Variants in COL6A2 observed in about 807,000 individuals in gnomAD.
COL6A2 encodes the protein collagen type VI alpha 2 chain, also known as collagen alpha-2(VI) chain.
Under a neutral mutation model 124.9 loss-of-function variants are expected in COL6A2, and 90 were observed. The observed-to-expected ratio is 0.72, with a 90% CI of 0.61 to 0.86. The LOEUF is 0.86. COL6A2 is among the 40% of genes least tolerant of loss of function. The probability of loss-of-function intolerance (pLI) is 0.00; values close to 1 mark genes in which losing one functional copy is unlikely to be tolerated. For synonymous variants in COL6A2, 793 were observed against 618.2 expected, an observed-to-expected ratio of 1.28 and a Z score of -4.19; for missense variants, 1,607 against 1,502.5, an observed-to-expected ratio of 1.07 and a Z score of -1.15.
chr21:46,121,645 T>C lies in COL6A2; in HGVS notation c.1521+27T>C, dbSNP rs575964894. 4.7e-5 allele frequency: 75 copies of C among 1,610,548 alleles called. No individual in the cohort carries two copies. In the Middle Eastern group the frequency reaches 5.0e-4, roughly 11 times the overall value. Reference sequence around the variant, plus strand: ...TACGTGCCCCTCCCCCAGCAGGACGTATTAGGGGTTCGGGGCAGCTGCCTG... The same window carrying C: ...TACGTGCCCCTCCCCCAGCAGGACGCATTAGGGGTTCGGGGCAGCTGCCTG... On this transcript the variant is annotated intron_variant, in intron 18 of 27. Transcript: ENST00000300527.
At chr21:46,113,234 G>A (rs1326380276) in intron 4 of COL6A2, among the ~76,000 whole-genome samples, 2 of 152,118 alleles carry the variant, frequency 1.3e-5, no homozygotes, top group Non-Finnish European at 2.9e-5. Flanking sequence ...GCAGGCATCT[G>A]AGATCTCCCC....
At chr21:46,118,138 C>G (rs1284617236) in intron 12 of COL6A2, among the ~76,000 whole-genome samples, 6 of 152,044 alleles carry the variant, frequency 3.9e-5, no homozygotes, top group African/African-American at 1.2e-4. Flanking sequence ...GCGGCCCCGC[C>G]GCTGCTCACC....
At chr21:46,124,528 C>T in intron 21 of COL6A2, 123 bp from the exon 22 acceptor site, 1 of 800,938 alleles carries the variant, frequency 1.2e-6, no homozygotes, top group Non-Finnish European at 2.0e-6. Flanking sequence ...TTACTCCTTG[C>T]ACCTGTTAGC....
Position 46,132,509 on chromosome 21 carries a change from C to T in COL6A2, c.3017C>T (p.Ala1006Val), listed in dbSNP as rs113169531. Residue 1006 changes from alanine (A) to valine (V), a missense_variant, in exon 28 of 28, where the codon GCG becomes GTG. Physicochemically the swap from Ala to Val is moderately conservative, Grantham distance 64 (BLOSUM62 0). Transcript: ENST00000300527. ...VFHEKDYDSL[A>V]QPGFFDRFIR... ...CACGAGAAGGACTATGACAGCCTGG[C>T]GCAACCCGGCTTCTTCGACCGCTTC... 646 of 1,607,008 alleles carry T rather than the reference C, an allele frequency of 4.0e-4. 3 individuals are homozygous for T. In the African/African-American group the frequency reaches 5.7e-3, roughly 14 times the overall value.
chr21:46,132,345 C>A lies in COL6A2; in HGVS notation c.2853C>A (p.Val951=), dbSNP rs745419873. 11 of 1,608,286 alleles carry A rather than the reference C, an allele frequency of 6.8e-6. No individual in the cohort carries two copies. Among genetic ancestry groups the A allele is most frequent in the Non-Finnish European group, 9.3e-6 (11 of 1,179,588 alleles). Residue 951 remains valine (V), a synonymous_variant, in exon 28 of 28, where the codon GTC becomes GTA. Transcript: ENST00000300527. The part of the protein sequence containing the change: ...ELSFVFLTDG[V]TGNDSLHESA... ...CCTTCGTGTTCCTCACGGACGGCGT[C>A]ACGGGCAACGACAGTCTGCACGAGT...
chr21:46,103,330 A>C (rs1194741298), intron 1 of COL6A2, among the ~76,000 whole-genome samples: 1 of 152,140 alleles, frequency 6.6e-6, no homozygotes, highest in Non-Finnish European at 1.5e-5. Flanking sequence ...TCTAGAATCT[A>C]GCTTAAGGCT....
intron 27 of COL6A2, chr21:46,129,744 T>C (rs2078735936): frequency 1.5e-6 from 2 of 1,359,646 alleles, no homozygotes; most frequent in East Asian, 2.7e-5. Flanking sequence ...AGAACCCTGG[T>C]CATTGAATTT....
At position 46,116,075 on chromosome 21, in the gene COL6A2, C is replaced by T. The variant is rs1462387531; in HGVS notation, c.900+22C>T. The T allele has an allele frequency of 6.4e-7, 1 of 1,561,812 alleles. No individual in the cohort carries two copies. The highest frequency in any genetic ancestry group is 8.7e-7 in the Non-Finnish European group (1 of 1,153,932). On this transcript the variant is annotated intron_variant, in intron 7 of 27. Transcript: ENST00000300527. This position sits in a 1 kb window ranked among gnomAD's most constrained non-coding sequence, Gnocchi z 4.6. ...CAAGGTGAGTGACCTCGGCCAGGGG[C>T]TTGGCTCCACCCTGAGGCCCCAGCA...
chr21:46,105,560 T>G (rs2078327520), intron 1 of COL6A2, among the ~76,000 whole-genome samples: 1 of 152,202 alleles, frequency 6.6e-6, no homozygotes, highest in African/African-American at 2.4e-5. Flanking sequence ...GGTGTAATTT[T>G]GTGACATCAA....
At chr21:46,113,659 A>C (rs56924254) in intron 4 of COL6A2, 1 of 398,138 alleles carries the variant, frequency 2.5e-6, no homozygotes, top group African/African-American at 2.1e-5. Context: ...TCCTGGCCTC[A>C]AGCAGTCCTC....
intron 27 of COL6A2, among the ~76,000 whole-genome samples, chr21:46,131,441 G>A (rs1322320431): frequency 2.6e-5 from 4 of 152,200 alleles, no homozygotes; most frequent in African/African-American, 4.8e-5. Context: ...TGGCCAATCA[G>A]AAGAGTCAGG....
chr21:46,126,496 C>T lies in COL6A2; in HGVS notation c.2423-7C>T, dbSNP rs1172092069. The T allele has an allele frequency of 2.5e-6, 4 of 1,613,314 alleles. No homozygotes were observed. Among genetic ancestry groups the T allele is most frequent in the Non-Finnish European group, 1.7e-6 (2 of 1,179,692 alleles). ...TGGCCTGGCCCGGCCTCTCTCCTCT[C>T]TTCCAGACCCTCAGATCGTGTGCCC... On this transcript the variant is annotated splice_polypyrimidine_tract_variant and splice_region_variant and intron_variant, in intron 26 of 27. Transcript: ENST00000300527.
chr21:46,129,465 C>A, intron 27 of COL6A2: 1 of 1,596,908 alleles, frequency 6.3e-7, no homozygotes, highest in Non-Finnish European at 8.5e-7. Flanking sequence ...CGTGGGGGAC[C>A]CCGAGACCGC....
Position 46,115,528 on chromosome 21 carries a change from G to C in COL6A2, c.802-344G>C, listed in dbSNP as rs151198765. 6.1e-3 allele frequency among the ~76,000 whole-genome samples: 936 copies of C among 152,306 alleles called. 9 individuals are homozygous for C. The highest frequency in any genetic ancestry group is 0.022 in the African/African-American group (900 of 41,546). On this transcript the variant is annotated intron_variant, in intron 5 of 27. Transcript: ENST00000300527. ...AATCTTTGTAGTGACGGTGACCCAGGCATCGCTGGAGAATCAGAGCCCAGT... is the reference window on the plus strand; with the variant it reads ...AATCTTTGTAGTGACGGTGACCCAGCCATCGCTGGAGAATCAGAGCCCAGT...
rs774494973 is a variant in COL6A2, at chr21:46,126,236, G to C, written c.2421G>C (p.Pro807=). 1 of 1,597,964 alleles carries C rather than the reference G, an allele frequency of 6.3e-7. No homozygotes were observed. The highest frequency in any genetic ancestry group is 8.5e-7 in the Non-Finnish European group (1 of 1,178,282). The part of the protein sequence containing the change: ...FIDDMEDVLC[P]DPQIVCPDLP... ...ATGACATGGAGGACGTCCTCTGCCC[G>C]GGTGAGCGTGTGGGCGCGGGGCAGT... The change falls in exon 26 of 28, where the codon CCG becomes CCC. Residue 807 remains proline, a splice_region_variant and synonymous_variant. Coordinates refer to ENST00000300527, the MANE Select transcript of COL6A2 (RefSeq NM_001849.4).
intron 1 of COL6A2, among the ~76,000 whole-genome samples, chr21:46,110,784 T>C (rs1257329646): frequency 6.6e-6 from 1 of 152,230 alleles, no homozygotes; most frequent in African/African-American, 2.4e-5. Flanking sequence ...AGCAGCACAG[T>C]GAGGCCCGTC....
intron 22 of COL6A2, 84 bp from the exon 23 acceptor site, chr21:46,124,801 C>T: frequency 3.8e-6 from 6 of 1,597,752 alleles, no homozygotes; most frequent in Non-Finnish European, 5.1e-6. Flanking sequence ...ACGGTGGACC[C>T]ACGTATCAGT....
At chr21:46,127,725 G>A (rs1427949570) in intron 27 of COL6A2, among the ~76,000 whole-genome samples, 1 of 96,930 alleles carries the variant, frequency 1.0e-5, no homozygotes, top group Non-Finnish European at 2.3e-5. Flanking sequence ...TTGCTATCAG[G>A]TGGGGGGCCT....
rs199849336 is a variant in COL6A2, at chr21:46,125,297, C to T, written c.1802C>T (p.Thr601Ile). Residue 601 changes from threonine to isoleucine, a missense_variant, in exon 24 of 28, where the codon ACC becomes ATC. Thr to Ile is a moderately conservative substitution (Grantham distance 89, BLOSUM62 -1). Around this residue, in one of 3 missense-constraint regions of COL6A2, gnomAD observed 1,223 missense variants for 1,052.2 expected, o/e 1.16. Coordinates refer to ENST00000300527, the MANE Select transcript of COL6A2 (RefSeq NM_001849.4). ...GACGTCATGACCTACGTGAGGGAGA[C>T]CTGCGGGTGCTGCGGTGAGGCACTG... ...ECDVMTYVRE[T>I]CGCCDCEKRC... 1.2e-6 allele frequency: 2 copies of T among 1,611,528 alleles called. No homozygotes were observed. Among genetic ancestry groups the T allele is most frequent in the Admixed American group, 1.7e-5 (1 of 59,890 alleles).
Sources: gnomAD v4.1 joint callset for allele counts (sites outside exome capture counted in the v4.1 genomes callset) on GRCh38, gnomAD v4.1.1 for gene constraint, gnomAD v4.1.1 regional missense constraint, Gnocchi (gnomAD v3.1) non-coding constraint, MANE v1.5 for transcripts, NCBI Gene and HGNC (gene_info 2026-07-23, HGNC 2026-07-21) for gene names.